DCUN1D1: variants seen among roughly 807,000 people sequenced by gnomAD.
DCUN1D1 encodes DCN1-like protein 1.
Under a neutral mutation model 39.0 loss-of-function variants are expected in DCUN1D1, and 3 were observed. The ratio of observed to expected loss-of-function variants is 0.08; its 90% confidence interval spans 0.04 to 0.20. The LOEUF (loss-of-function observed/expected upper bound fraction) is 0.20. Ranked by LOEUF, DCUN1D1 falls within the 10% of genes least tolerant of loss-of-function variation. The pLI is 1.00. For missense variants in DCUN1D1, 158 were observed against 302.4 expected (o/e 0.52, Z 3.54); for synonymous variants, 82 against 96.3 (o/e 0.85, Z 0.87).
chr3:182,946,298 C>G (rs1262097020), intron 6 of DCUN1D1, among the ~76,000 whole-genome samples: 1 of 152,192 alleles, frequency 6.6e-6, no homozygotes, highest in East Asian at 1.9e-4. Flanking sequence ...TGGCTCATGC[C>G]TGTAATCCCA....
rs1383233835 is a variant in DCUN1D1, at chr3:182,939,476, G to A, written c.*5618C>T. On this transcript the variant is annotated 3_prime_UTR_variant, in exon 7 of 7. Transcript: ENST00000292782. ...CCAAATGTCTATCAACTGGTGAATGGATAAACAAAATGTGGTATATCCAAA... is the reference window on the plus strand; with the variant it reads ...CCAAATGTCTATCAACTGGTGAATGAATAAACAAAATGTGGTATATCCAAA... 6.6e-6 allele frequency: 1 copy of A among 152,130 alleles called. No homozygotes were observed. The highest frequency in any genetic ancestry group is 1.5e-5 in the Non-Finnish European group (1 of 68,024). The allele number at this position is 152,130 out of a possible 1,614,324, so 9.4% of individuals were successfully genotyped here. A position where few individuals can be genotyped will look rare whatever the true frequency, so the allele number is the denominator to read the frequency against.
At chr3:182,948,423 A>G (rs2108624827) in intron 4 of DCUN1D1, among the ~76,000 whole-genome samples, 1 of 152,102 alleles carries the variant, frequency 6.6e-6, no homozygotes, top group South Asian at 2.1e-4. Context: ...CACACGACAG[A>G]GAACTACACT....
At chr3:182,965,252 T>C (rs1300307025) in intron 2 of DCUN1D1, among the ~76,000 whole-genome samples, 1 of 152,176 alleles carries the variant, frequency 6.6e-6, no homozygotes, top group Non-Finnish European at 1.5e-5. Flanking sequence ...CAGGTTTCCT[T>C]AGACTGGTTC....
At chr3:182,980,163 G>T in intron 1 of DCUN1D1, 1 of 438,886 alleles carries the variant, frequency 2.3e-6, no homozygotes, top group Non-Finnish European at 2.9e-6. Context: ...CCCTCCCCCC[G>T]CCCCAACGCC....
intron 3 of DCUN1D1, among the ~76,000 whole-genome samples, chr3:182,961,655 T>C (rs1335487659): frequency 6.6e-6 from 1 of 152,184 alleles, no homozygotes; most frequent in Non-Finnish European, 1.5e-5. Context: ...TCAGCTTCAG[T>C]GGATAAATAA....
At chr3:182,963,430 C>T (rs1727506219) in intron 3 of DCUN1D1, among the ~76,000 whole-genome samples, 2 of 152,164 alleles carry the variant, frequency 1.3e-5, no homozygotes, top group African/African-American at 4.8e-5. Context: ...AAACCTCTAC[C>T]CATGACTTTT....
chr3:182,976,442 C>CAT, intron 1 of DCUN1D1, among the ~76,000 whole-genome samples: 1 of 84,164 alleles, frequency 1.2e-5, no homozygotes, highest in East Asian at 2.8e-4. Context: ...CATATACATA[C>CAT]ATACACACAC....
chr3:182,977,434 G>A (rs758939957), intron 1 of DCUN1D1, among the ~76,000 whole-genome samples: 4 of 151,798 alleles, frequency 2.6e-5, no homozygotes, highest in Non-Finnish European at 5.9e-5. Context: ...CAACCCACAC[G>A]TTTTGAACAC....
upstream of DCUN1D1, chr3:182,980,581 G>A (rs1376203367): frequency 1.7e-6 from 2 of 1,151,624 alleles, no homozygotes; most frequent in South Asian, 2.8e-5. Flanking sequence ...GGCTTGCCCG[G>A]CTCCCGCTCA....
At chr3:182,950,841 C>T (rs899235728) in intron 4 of DCUN1D1, 3 of 151,648 alleles carry the variant, frequency 2.0e-5, no homozygotes, top group Non-Finnish European at 2.9e-5. Flanking sequence ...CCCATCTCTA[C>T]TAAAAATGCA....
rs1553837242 is a variant in DCUN1D1, at chr3:182,943,113, T to TGA, written c.*1979_*1980dup. ...GACTTTTAAAGAAAACACTTTATAT[T>TGA]GAAAAAAAAAAAAAAAAAAAAAAGC... On this transcript the variant is annotated 3_prime_UTR_variant, in exon 7 of 7. Transcript: ENST00000292782. 1.9e-5 allele frequency: 2 copies of TGA among 108,058 alleles called. No individual in the cohort carries two copies. Among genetic ancestry groups the TGA allele is most frequent in the African/African-American group, 1.1e-4 (2 of 18,240 alleles). The allele number at this position is 108,058 out of a possible 1,614,324, so 6.7% of individuals were successfully genotyped here.
intron 4 of DCUN1D1, among the ~76,000 whole-genome samples, chr3:182,951,239 A>C (rs528667407): frequency 6.6e-6 from 1 of 152,200 alleles, no homozygotes; most frequent in East Asian, 1.9e-4. Flanking sequence ...TAAATGCTTT[A>C]AGTTTATCAG....
chr3:182,977,226 TG>T (rs1378742514), intron 1 of DCUN1D1, among the ~76,000 whole-genome samples: 2 of 152,222 alleles, frequency 1.3e-5, no homozygotes, highest in African/African-American at 4.8e-5. Flanking sequence ...CCTGCAAACC[TG>T]AACCTCAAAA....
At position 182,973,548 on chromosome 3, in the gene DCUN1D1, C is replaced by T. The variant is rs144615015; in HGVS notation, c.3+6939G>A. Among the ~76,000 whole-genome samples the T allele has an allele frequency of 5.2e-3, 791 of 152,332 alleles. 5 individuals are homozygous for T. Among genetic ancestry groups the T allele is most frequent in the African/African-American group, 0.019 (773 of 41,572 alleles). On this transcript the variant is annotated intron_variant, in intron 1 of 6. Coordinates refer to ENST00000292782, the MANE Select transcript of DCUN1D1 (RefSeq NM_020640.4). ...AAGTGGCCGGGCGCAGTGGCTCACG[C>T]CTATAATCCCAGCACTTTGGGAGGC...
chr3:182,966,209 T>C (rs1727659805), intron 1 of DCUN1D1, among the ~76,000 whole-genome samples: 1 of 151,972 alleles, frequency 6.6e-6, no homozygotes, highest in African/African-American at 2.4e-5. Context: ...TTAACAGGTG[T>C]TTACTGCAGT....
chr3:182,985,050 G>A (rs909343800), upstream of DCUN1D1, among the ~76,000 whole-genome samples: 4 of 152,164 alleles, frequency 2.6e-5, no homozygotes, highest in South Asian at 2.1e-4. Flanking sequence ...GGGTAAATGC[G>A]ATTGACTGAT....
chr3:182,965,827 A>C, intron 1 of DCUN1D1, 74 bp from the exon 2 acceptor site: 1 of 929,962 alleles, frequency 1.1e-6, no homozygotes, highest in Non-Finnish European at 1.7e-6. Flanking sequence ...ATGGCTAACT[A>C]AACATTCTTA....
chr3:182,974,930 G>C (rs79405836), intron 1 of DCUN1D1, among the ~76,000 whole-genome samples: 4,166 of 152,094 alleles, frequency 0.027, 200 homozygotes, highest in African/African-American at 0.095. Context: ...CACACCTAAA[G>C]TGGCTATATA....
In DCUN1D1 at chr3:182,940,763, C is replaced by T. The variant is rs944196248; in HGVS notation, c.*4331G>A. The T allele has an allele frequency of 3.9e-5, 6 of 152,048 alleles. No homozygotes were observed. Among genetic ancestry groups the T allele is most frequent in the African/African-American group, 1.4e-4 (6 of 41,404 alleles). 9.4% of individuals were successfully genotyped at this position (152,048 alleles called of 1,614,324 possible). On this transcript the variant is annotated 3_prime_UTR_variant, in exon 7 of 7. Transcript: ENST00000292782. ...TACAAGCTACATTATGATTTCTGCACAGCATGATGGCAAAAAATAAAAAAG... is the reference window on the plus strand; with the variant it reads ...TACAAGCTACATTATGATTTCTGCATAGCATGATGGCAAAAAATAAAAAAG...
Sources: allele counts gnomAD v4.1 joint callset (sites outside exome capture counted in the v4.1 genomes callset), GRCh38; gene constraint gnomAD v4.1.1; transcripts MANE v1.5; gene names NCBI Gene and HGNC (gene_info 2026-07-23, HGNC 2026-07-21).